The following CNTN5 variants were observed in gnomAD, a reference collection of about 807,000 sequenced individuals.
CNTN5 encodes the protein contactin-5.
In CNTN5, 77 loss-of-function variants were observed where a neutral mutation model predicts 129.1. That is an observed-to-expected ratio of 0.60 (90% CI 0.50 to 0.72). The LOEUF (loss-of-function observed/expected upper bound fraction) is 0.72. Ranked by LOEUF, CNTN5 falls within the 30% of genes least tolerant of loss-of-function variation. CNTN5 has a pLI of 0.00. For missense variants in CNTN5, 1,478 were observed against 1,328.8 expected (o/e 1.11, Z -1.75); for synonymous variants, 509 against 465.6 (o/e 1.09, Z -1.20).
intron 2 of CNTN5, among the ~76,000 whole-genome samples, chr11:99,410,027 A>C (rs886240313): frequency 3.3e-5 from 5 of 152,316 alleles, no homozygotes; most frequent in African/African-American, 1.2e-4. Flanking sequence ...TGGGAGTTAT[A>C]AGGTGTTTTG....
chr11:99,391,645 A>C (rs1296550238), intron 2 of CNTN5, among the ~76,000 whole-genome samples: 1 of 152,040 alleles, frequency 6.6e-6, no homozygotes, highest in African/African-American at 2.4e-5. Context: ...ATAATATAGA[A>C]AGGTGAAGGT....
intron 6 of CNTN5, among the ~76,000 whole-genome samples, chr11:99,866,156 T>G (rs1948349500): frequency 6.6e-6 from 1 of 152,182 alleles, no homozygotes; most frequent in African/African-American, 2.4e-5. Flanking sequence ...TTGGGTGTTT[T>G]CCAAGTGACT....
At chr11:99,976,558 A>C (rs1385034901) in intron 8 of CNTN5, among the ~76,000 whole-genome samples, 1 of 152,184 alleles carries the variant, frequency 6.6e-6, no homozygotes, top group Non-Finnish European at 1.5e-5. Flanking sequence ...TATTCTGCAG[A>C]CCTACAGGCT....
intron 2 of CNTN5, among the ~76,000 whole-genome samples, chr11:99,554,959 T>A (rs533808162): frequency 6.6e-6 from 1 of 152,192 alleles, no homozygotes; most frequent in African/African-American, 2.4e-5. Flanking sequence ...TGTTTAGGCT[T>A]GTTATAAATA....
chr11:99,254,526 A>C (rs1862278399), intron 1 of CNTN5, among the ~76,000 whole-genome samples: 1 of 151,972 alleles, frequency 6.6e-6, no homozygotes, highest in Admixed American at 6.6e-5. Context: ...TGCTTTGGCT[A>C]ATTTTATTTT....
At position 99,334,730 on chromosome 11, in the gene CNTN5, GA is replaced by G. The variant is rs151017258; in HGVS notation, c.-71+9253del. ...AACACAAGTTTCCAAGACACAGTAT[GA>G]AAAAAATGTAAAATATTTTATTAAT... On this transcript the variant is annotated intron_variant, in intron 2 of 24. Transcript: ENST00000524871. Among the ~76,000 whole-genome samples the G allele has an allele frequency of 0.024, 3,676 of 151,698 alleles. 318 individuals are homozygous for G. The East Asian group carries it at 0.24, about 10-fold the overall frequency.
At chr11:99,806,096 A>G (rs1401934392) in intron 3 of CNTN5, among the ~76,000 whole-genome samples, 1 of 152,196 alleles carries the variant, frequency 6.6e-6, no homozygotes, top group Non-Finnish European at 1.5e-5. Flanking sequence ...CTCAGAGAGT[A>G]CAAGTGAACT....
At chr11:99,734,242 C>T (rs1263547868) in intron 3 of CNTN5, among the ~76,000 whole-genome samples, 4 of 152,172 alleles carry the variant, frequency 2.6e-5, no homozygotes, top group African/African-American at 9.7e-5. Context: ...GTGTTATAAA[C>T]AATCCAATTA....
chr11:100,018,233 C>T (rs1028762335), intron 9 of CNTN5, among the ~76,000 whole-genome samples: 56 of 151,998 alleles, frequency 3.7e-4, no homozygotes, highest in African/African-American at 1.2e-3. Context: ...GAAACCATCG[C>T]ACAATCCACA....
At chr11:100,079,395 G>A (rs1944271593) in intron 13 of CNTN5, among the ~76,000 whole-genome samples, 1 of 152,118 alleles carries the variant, frequency 6.6e-6, no homozygotes, top group East Asian at 1.9e-4. Context: ...TCATAAATTT[G>A]TTATTCATCA....
At chr11:99,408,073 T>C (rs763211647) in intron 2 of CNTN5, among the ~76,000 whole-genome samples, 2 of 152,128 alleles carry the variant, frequency 1.3e-5, no homozygotes, top group Non-Finnish European at 2.9e-5. Context: ...CTTTTTTCTG[T>C]AGATAGTCAT....
intron 6 of CNTN5, among the ~76,000 whole-genome samples, chr11:99,846,804 G>A (rs983995754): frequency 6.6e-6 from 1 of 151,970 alleles, no homozygotes; most frequent in Non-Finnish European, 1.5e-5. Context: ...GAAGAGTACC[G>A]AGATAGGTCC....
At chr11:99,662,911 C>T (rs968876636) in intron 3 of CNTN5, among the ~76,000 whole-genome samples, 2 of 152,162 alleles carry the variant, frequency 1.3e-5, no homozygotes, top group African/African-American at 4.8e-5. Flanking sequence ...GACAAAAACT[C>T]TCTTAAGTAG....
intron 3 of CNTN5, among the ~76,000 whole-genome samples, chr11:99,785,791 A>G (rs989134727): frequency 3.3e-5 from 5 of 152,170 alleles, no homozygotes; most frequent in Non-Finnish European, 5.9e-5. Context: ...AAAGCCTTTG[A>G]TAAAATTCAG....
intron 6 of CNTN5, among the ~76,000 whole-genome samples, chr11:99,877,468 C>T (rs553641172): frequency 6.6e-6 from 1 of 152,254 alleles, no homozygotes; most frequent in Non-Finnish European, 1.5e-5. Context: ...ACATTCTTGG[C>T]TCCTAAGTGA....
rs548612106 is a variant in CNTN5, at chr11:99,270,295, G to A, written c.-209-55051G>A. Among the ~76,000 whole-genome samples, 7 of 151,180 alleles carry A rather than the reference G, an allele frequency of 4.6e-5. No homozygotes were observed. In the East Asian group the frequency reaches 9.8e-4, roughly 21 times the overall value. On this transcript the variant is annotated intron_variant, in intron 1 of 24. Coordinates refer to ENST00000524871, the MANE Select transcript of CNTN5 (RefSeq NM_014361.4). ...TTAAAATAGTTTTTCATTAGGGTAT[G>A]CATTTTTTATTTTTCCAAATTAATC...
intron 1 of CNTN5, chr11:99,049,943 G>A (rs1337133098): frequency 6.6e-6 from 1 of 152,038 alleles, no homozygotes; most frequent in African/African-American, 2.4e-5. Flanking sequence ...AGTCTTGCTT[G>A]TTCTATTTCT....
chr11:99,583,451 C>G (rs180981734), intron 3 of CNTN5, among the ~76,000 whole-genome samples: 1 of 152,314 alleles, frequency 6.6e-6, no homozygotes, highest in Non-Finnish European at 1.5e-5. Flanking sequence ...GGCAGGCCTC[C>G]TTGAGCTGTG....
At chr11:99,233,081 C>T (rs1054712891) in intron 1 of CNTN5, among the ~76,000 whole-genome samples, 2 of 152,140 alleles carry the variant, frequency 1.3e-5, no homozygotes, top group Non-Finnish European at 2.9e-5. Context: ...TTTTGTTTTG[C>T]TTACCTGTAG....
Sources: gnomAD v4.1 joint callset for allele counts (sites outside exome capture counted in the v4.1 genomes callset) on GRCh38, gnomAD v4.1.1 for gene constraint, MANE v1.5 for transcripts, NCBI Gene and HGNC (gene_info 2026-07-23, HGNC 2026-07-21) for gene names.